Variants in NRXN1 observed in about 807,000 individuals in gnomAD.
NRXN1 encodes neurexin 1, also known as neurexin-1.
NRXN1 carries 39 observed loss-of-function variants against 150.9 expected under a neutral mutation model. That is an observed-to-expected ratio of 0.26 (90% CI 0.20 to 0.34). The LOEUF is 0.34. Among genes scored for constraint, NRXN1 ranks in the 10% least tolerant of loss-of-function variants. The pLI is 1.00. For synonymous variants in NRXN1, 924 were observed against 757.0 expected, an observed-to-expected ratio of 1.22 and a Z score of -3.62; for missense variants, 1,815 against 1,949.9, an observed-to-expected ratio of 0.93 and a Z score of 1.30.
chr2:50,762,192 A>G (rs752268169), intron 5 of NRXN1, among the ~76,000 whole-genome samples: 1 of 151,816 alleles, frequency 6.6e-6, no homozygotes, highest in Non-Finnish European at 1.5e-5. Context: ...GAACCCTAAT[A>G]CAACAGGCAT....
intron 2 of NRXN1, among the ~76,000 whole-genome samples, chr2:50,981,790 A>T (rs1696857877): frequency 1.3e-5 from 2 of 151,818 alleles, no homozygotes; most frequent in African/African-American, 4.8e-5. Context: ...TTTTGTAAGC[A>T]CAGAGCCTAA....
chr2:50,196,928 G>A (rs575251037), intron 18 of NRXN1, among the ~76,000 whole-genome samples: 3 of 152,210 alleles, frequency 2.0e-5, no homozygotes, highest in African/African-American at 7.2e-5. Context: ...GTGGGAGGAA[G>A]GAGTGGAGAA....
At chr2:50,718,569 T>C (rs1696171938) in intron 5 of NRXN1, among the ~76,000 whole-genome samples, 1 of 152,176 alleles carries the variant, frequency 6.6e-6, no homozygotes, top group African/African-American at 2.4e-5. Flanking sequence ...TATGATGATT[T>C]AATTCAGGAT....
chr2:50,568,764 C>T (rs2105443344), intron 8 of NRXN1, among the ~76,000 whole-genome samples: 1 of 152,192 alleles, frequency 6.6e-6, no homozygotes, highest in Non-Finnish European at 1.5e-5. Context: ...AATAGAACTA[C>T]CATATGATCC....
At chr2:50,752,602 A>T (rs1248805605) in intron 5 of NRXN1, among the ~76,000 whole-genome samples, 1 of 151,850 alleles carries the variant, frequency 6.6e-6, no homozygotes, top group Non-Finnish European at 1.5e-5. Flanking sequence ...TTCTATTTGG[A>T]GGCAACTTCA....
At position 50,380,042 on chromosome 2, in the gene NRXN1, T is replaced by G. The variant is rs542378125; in HGVS notation, c.3364+85400A>C. Among the ~76,000 whole-genome samples, 374 of 152,278 alleles carry G rather than the reference T, an allele frequency of 2.5e-3. 1 individual carries two copies. Among genetic ancestry groups the G allele is most frequent in the Non-Finnish European group, 3.8e-3 (261 of 68,002 alleles). On this transcript the variant is annotated intron_variant, in intron 17 of 22. Coordinates refer to ENST00000401669, the MANE Select transcript of NRXN1 (RefSeq NM_001330078.2). Reference sequence around the variant, plus strand: ...GATAATATCCAATATGAGAAAGATCTTTATTTAACATGAAGTATAAAGCTT... The same window carrying G: ...GATAATATCCAATATGAGAAAGATCGTTATTTAACATGAAGTATAAAGCTT...
chr2:50,439,246 G>T (rs957123048), intron 17 of NRXN1, among the ~76,000 whole-genome samples: 4 of 152,204 alleles, frequency 2.6e-5, no homozygotes, highest in Non-Finnish European at 5.9e-5. Flanking sequence ...TTTTGTCTTT[G>T]AATCTTTCTG....
At chr2:50,448,419 CA>C (rs1301085021) in intron 17 of NRXN1, among the ~76,000 whole-genome samples, 3 of 152,050 alleles carry the variant, frequency 2.0e-5, no homozygotes, top group Non-Finnish European at 1.5e-5. Flanking sequence ...AAAAAACGTG[CA>C]AAAAGATAAG....
chr2:50,365,671 T>C (rs1319726393), intron 17 of NRXN1, among the ~76,000 whole-genome samples: 3 of 152,064 alleles, frequency 2.0e-5, no homozygotes, highest in Non-Finnish European at 4.4e-5. Flanking sequence ...TGAGGTAACA[T>C]TAGGTGATTA....
intron 8 of NRXN1, among the ~76,000 whole-genome samples, chr2:50,587,651 T>C (rs941877626): frequency 1.3e-5 from 2 of 152,142 alleles, no homozygotes; most frequent in Non-Finnish European, 2.9e-5. Context: ...AAAGTATAAC[T>C]AGCATATTAA....
In NRXN1 at chr2:49,921,860, A is replaced by G. The variant is rs1668262149; in HGVS notation, c.*84T>C. 1 of 1,405,812 alleles carries G rather than the reference A, an allele frequency of 7.1e-7. No individual in the cohort carries two copies. Among genetic ancestry groups the G allele is most frequent in the Admixed American group, 1.9e-5 (1 of 51,422 alleles). 87.1% of individuals were successfully genotyped at this position (1,405,812 alleles called of 1,614,324 possible). Reference sequence around the variant, plus strand: ...CTGTCTTCTTTTGTATGTGCTTCATAAAAAGGAAAGTAAATAAGTTTATAT... The same window carrying G: ...CTGTCTTCTTTTGTATGTGCTTCATGAAAAGGAAAGTAAATAAGTTTATAT... On this transcript the variant is annotated 3_prime_UTR_variant, in exon 23 of 23. Transcript: ENST00000401669.
chr2:50,199,353 G>A (rs2152831500), intron 18 of NRXN1: 1 of 152,104 alleles, frequency 6.6e-6, no homozygotes, highest in Non-Finnish European at 1.5e-5. Context: ...GTTTGCTTCT[G>A]TTTAGTTAAC....
At chr2:50,883,582 T>C (rs1461465932) in intron 5 of NRXN1, among the ~76,000 whole-genome samples, 2 of 151,956 alleles carry the variant, frequency 1.3e-5, no homozygotes, top group East Asian at 1.9e-4. Flanking sequence ...AGTGTAGAAA[T>C]TGTTAATTCA....
chr2:50,369,844 T>C (rs1324586434), intron 17 of NRXN1, among the ~76,000 whole-genome samples: 1 of 151,960 alleles, frequency 6.6e-6, no homozygotes, highest in African/African-American at 2.4e-5. Flanking sequence ...TCTCCCAGTG[T>C]AGGGCTGGAG....
intron 5 of NRXN1, among the ~76,000 whole-genome samples, chr2:50,647,070 G>A (rs1335781328): frequency 6.6e-6 from 1 of 151,220 alleles, no homozygotes; most frequent in East Asian, 1.9e-4. Flanking sequence ...TTTCTTCTAT[G>A]GAATATCTGT....
At chr2:50,218,216 G>A (rs2063536529) in intron 18 of NRXN1, among the ~76,000 whole-genome samples, 1 of 152,016 alleles carries the variant, frequency 6.6e-6, no homozygotes, top group African/African-American at 2.4e-5. Flanking sequence ...TGAAGCATAT[G>A]CAATATCTCA....
chr2:50,374,093 C>CAAGAT (rs2153022745), intron 17 of NRXN1, among the ~76,000 whole-genome samples: 1 of 89,458 alleles, frequency 1.1e-5, no homozygotes, highest in Admixed American at 1.1e-4. Flanking sequence ...CATCTCAGGA[C>CAAGAT]TAGCCTGGGC....
intron 5 of NRXN1, among the ~76,000 whole-genome samples, chr2:50,910,164 T>C (rs1221485397): frequency 6.6e-6 from 1 of 152,036 alleles, no homozygotes; most frequent in African/African-American, 2.4e-5. Context: ...TAAAAATATG[T>C]ATACAAAGGA....
intron 17 of NRXN1, among the ~76,000 whole-genome samples, chr2:50,360,580 GCACCCAATA>G (rs1405160082): frequency 1.4e-4 from 22 of 152,246 alleles, no homozygotes; most frequent in African/African-American, 5.3e-4. Flanking sequence ...AAATATATAT[GCACCCAATA>G]CAAGAGCACC....
Sources: allele counts gnomAD v4.1 joint callset (sites outside exome capture counted in the v4.1 genomes callset), GRCh38; gene constraint gnomAD v4.1.1; transcripts MANE v1.5; gene names NCBI Gene and HGNC (gene_info 2026-07-23, HGNC 2026-07-21).